Variants in CSMD1 observed in about 807,000 individuals in gnomAD.
CSMD1 encodes CUB and sushi domain-containing protein 1.
A neutral mutation model predicts 417.5 loss-of-function variants in CSMD1; 213 were observed. That is an observed-to-expected ratio of 0.51 (90% CI 0.46 to 0.57). The LOEUF is 0.57. Ranked by LOEUF, CSMD1 falls within the 20% of genes least tolerant of loss-of-function variation. The probability of loss-of-function intolerance (pLI) is 0.00; values close to 1 mark genes in which losing one functional copy is unlikely to be tolerated. For missense variants in CSMD1, 6,923 were observed against 4,529.7 expected, an observed-to-expected ratio of 1.53 and a Z score of -15.17; for synonymous variants, 2,862 against 1,736.8, an observed-to-expected ratio of 1.65 and a Z score of -16.11.
chr8:4,319,975 G>T (rs952949161), intron 3 of CSMD1, among the ~76,000 whole-genome samples: 8 of 151,982 alleles, frequency 5.3e-5, no homozygotes, highest in Non-Finnish European at 8.8e-5. Context: ...CAGGCAGAGT[G>T]GAAAAATATC....
intron 6 of CSMD1, among the ~76,000 whole-genome samples, chr8:3,738,475 T>C (rs1346826753): frequency 1.3e-5 from 2 of 152,196 alleles, no homozygotes; most frequent in Non-Finnish European, 2.9e-5. Context: ...GTGCAGTGAA[T>C]ACATAATTTA....
At chr8:4,362,160 T>A (rs563830241) in intron 3 of CSMD1, among the ~76,000 whole-genome samples, 1 of 152,272 alleles carries the variant, frequency 6.6e-6, no homozygotes, top group East Asian at 1.9e-4. Flanking sequence ...GTAATTCAAT[T>A]TACATGAGTA....
rs139105715 is a variant in CSMD1 at position 4,887,565 on chromosome 8, T to C, written c.85+106767A>G. On this transcript the variant is annotated intron_variant, in intron 1 of 69. Transcript: ENST00000635120. ...TTTATTTGTTAACGAAAGTGGGATA[T>C]TGAAGTCACCAACCATTATTTTAAT... Among the ~76,000 whole-genome samples, 368 of 152,144 alleles carry C rather than the reference T, an allele frequency of 2.4e-3. 5 individuals are homozygous for C. The highest frequency in any genetic ancestry group is 8.0e-3 in the African/African-American group (332 of 41,494).
chr8:3,695,473 A>C (rs981280710), intron 7 of CSMD1, among the ~76,000 whole-genome samples: 1 of 152,194 alleles, frequency 6.6e-6, no homozygotes, highest in African/African-American at 2.4e-5. Context: ...AGAAATACAA[A>C]TCTGGCTTTA....
At chr8:3,767,622 T>G (rs1266670876) in intron 5 of CSMD1, among the ~76,000 whole-genome samples, 10 of 152,210 alleles carry the variant, frequency 6.6e-5, no homozygotes, top group Admixed American at 4.6e-4. Context: ...TATATCCACT[T>G]GCATATATAT....
At chr8:4,990,158 C>T (rs369365502) in intron 1 of CSMD1, among the ~76,000 whole-genome samples, 2 of 152,192 alleles carry the variant, frequency 1.3e-5, no homozygotes, top group African/African-American at 4.8e-5. Flanking sequence ...CATTGCCCTA[C>T]CATTCAAGTT....
intron 3 of CSMD1, among the ~76,000 whole-genome samples, chr8:4,059,050 C>T (rs113290181): frequency 6.6e-6 from 1 of 152,034 alleles, no homozygotes; most frequent in Non-Finnish European, 1.5e-5. Context: ...AAGTAAAGCT[C>T]TCCTCAGCAA....
intron 42 of CSMD1, among the ~76,000 whole-genome samples, chr8:3,116,200 T>C (rs1198065074): frequency 1.3e-5 from 2 of 152,244 alleles, no homozygotes; most frequent in East Asian, 3.8e-4. Flanking sequence ...GGATGGTTCT[T>C]AGAAAATCCT....
At chr8:4,764,801 A>T (rs1320943462) in intron 1 of CSMD1, among the ~76,000 whole-genome samples, 1 of 143,194 alleles carries the variant, frequency 7.0e-6, no homozygotes, top group Non-Finnish European at 1.5e-5. Context: ...TGAACCCAGG[A>T]GGCAGAGCTT....
intron 54 of CSMD1, among the ~76,000 whole-genome samples, chr8:2,993,482 G>C (rs962096678): frequency 3.9e-5 from 6 of 152,162 alleles, no homozygotes; most frequent in African/African-American, 7.2e-5. Flanking sequence ...GCAAAGCACA[G>C]CCCAACTCTC....
intron 3 of CSMD1, among the ~76,000 whole-genome samples, chr8:4,349,568 G>A (rs1351147079): frequency 6.6e-6 from 1 of 152,058 alleles, no homozygotes. Flanking sequence ...AGGTGACATA[G>A]AAGGCTTCAA....
intron 4 of CSMD1, among the ~76,000 whole-genome samples, chr8:4,015,566 T>C (rs896779450): frequency 6.6e-6 from 1 of 151,586 alleles, no homozygotes; most frequent in Non-Finnish European, 1.5e-5. Context: ...TCAGTGCTAC[T>C]GCTATGTTAT....
At chr8:4,672,700 G>A (rs1001902779) in intron 1 of CSMD1, among the ~76,000 whole-genome samples, 4 of 152,232 alleles carry the variant, frequency 2.6e-5, no homozygotes, top group Admixed American at 6.5e-5. Context: ...GTAAGACTGC[G>A]CACACACATG....
intron 10 of CSMD1, among the ~76,000 whole-genome samples, chr8:3,495,345 G>C (rs527301565): frequency 6.6e-6 from 1 of 152,156 alleles, no homozygotes; most frequent in Admixed American, 6.5e-5. Context: ...TAAAGTTCTG[G>C]TGGGAAGCGA....
chr8:4,527,063 C>T (rs543015381), intron 2 of CSMD1, among the ~76,000 whole-genome samples: 1 of 152,234 alleles, frequency 6.6e-6, no homozygotes, highest in Admixed American at 6.5e-5. Context: ...CTTTGTGTGT[C>T]TGGATCCAAG....
At chr8:4,443,277 G>A (rs1798587621) in intron 2 of CSMD1, among the ~76,000 whole-genome samples, 2 of 152,060 alleles carry the variant, frequency 1.3e-5, no homozygotes, top group South Asian at 2.1e-4. Context: ...ATCAATCTTC[G>A]CCTAAGTTTT....
chr8:3,580,031 G>T (rs1019285218), intron 9 of CSMD1, among the ~76,000 whole-genome samples: 2 of 152,134 alleles, frequency 1.3e-5, no homozygotes, highest in Non-Finnish European at 2.9e-5. Flanking sequence ...TTGAGCTAGG[G>T]AGGTGGAAGT....
chr8:3,391,049 G>A (rs546693275), intron 17 of CSMD1, among the ~76,000 whole-genome samples: 8 of 152,250 alleles, frequency 5.3e-5, no homozygotes, highest in Non-Finnish European at 8.8e-5. Flanking sequence ...GCATCCATGC[G>A]TGTGCCTGTG....
intron 20 of CSMD1, among the ~76,000 whole-genome samples, chr8:3,360,372 T>C (rs1809079767): frequency 6.6e-6 from 1 of 152,248 alleles, no homozygotes; most frequent in East Asian, 1.9e-4. Context: ...CTCCGTAGTA[T>C]GTACGTATAA....
Sources: allele counts gnomAD v4.1 joint callset (sites outside exome capture counted in the v4.1 genomes callset), GRCh38; gene constraint gnomAD v4.1.1; transcripts MANE v1.5; gene names NCBI Gene and HGNC (gene_info 2026-07-23, HGNC 2026-07-21).